CPEB1: variants seen among roughly 807,000 people sequenced by gnomAD.
CPEB1 encodes the protein cytoplasmic polyadenylation element-binding protein 1.
Under a neutral mutation model 65.8 loss-of-function variants are expected in CPEB1, and 7 were observed. The ratio of observed to expected loss-of-function variants is 0.11; its 90% CI spans 0.06 to 0.20. CPEB1 has a LOEUF of 0.20. Among genes scored for constraint, CPEB1 ranks in the 10% least tolerant of loss-of-function variants. The pLI is 1.00. For synonymous variants in CPEB1, 262 were observed against 260.0 expected (o/e 1.01, Z -0.08); for missense variants, 551 against 712.2 (o/e 0.77, Z 2.58).
At chr15:82,577,970 C>T (rs967778968) in intron 3 of CPEB1, among the ~76,000 whole-genome samples, 9 of 151,978 alleles carry the variant, frequency 5.9e-5, no homozygotes, top group African/African-American at 2.2e-4. Flanking sequence ...GAAACCCCGT[C>T]TCTAATAAAA....
intron 11 of CPEB1, 134 bp from the exon 12 acceptor site, chr15:82,546,655 A>T: frequency 1.4e-6 from 1 of 707,718 alleles, no homozygotes; most frequent in Non-Finnish European, 2.5e-6. Context: ...GCCTGTTTTA[A>T]AGGAGGCTTG....
At chr15:82,587,109 G>C (rs893697171) in intron 3 of CPEB1, among the ~76,000 whole-genome samples, 7 of 152,090 alleles carry the variant, frequency 4.6e-5, no homozygotes, top group African/African-American at 1.7e-4. Context: ...AAAGAAAATG[G>C]GAATTAAAAT....
chr15:82,591,624 A>G (rs751628867), intron 3 of CPEB1, among the ~76,000 whole-genome samples: 2 of 152,026 alleles, frequency 1.3e-5, no homozygotes, highest in African/African-American at 2.4e-5. Flanking sequence ...TGTTGTCCAC[A>G]TGTATGTCTT....
At chr15:82,639,187 G>A (rs1036854451) in intron 1 of CPEB1, among the ~76,000 whole-genome samples, 4 of 152,110 alleles carry the variant, frequency 2.6e-5, no homozygotes, top group Admixed American at 1.3e-4. Flanking sequence ...CAGCTTAGTG[G>A]CCAAGTTAAG....
chr15:82,582,800 G>A (rs1156597129), intron 3 of CPEB1, among the ~76,000 whole-genome samples: 1 of 145,718 alleles, frequency 6.9e-6, no homozygotes, highest in Admixed American at 7.0e-5. Flanking sequence ...GGAGTGCAGT[G>A]GCGTGATCTG....
intron 10 of CPEB1, among the ~76,000 whole-genome samples, chr15:82,548,366 A>G (rs1355061979): frequency 6.6e-6 from 1 of 152,178 alleles, no homozygotes; most frequent in Non-Finnish European, 1.5e-5. Flanking sequence ...CTATATGTTA[A>G]TAATATTATT....
intron 4 of CPEB1, among the ~76,000 whole-genome samples, chr15:82,571,066 G>A (rs1450557704): frequency 2.0e-5 from 3 of 152,066 alleles, no homozygotes; most frequent in Non-Finnish European, 2.9e-5. Context: ...AGGCCACCAC[G>A]CCTTGGGGAC....
At chr15:82,626,193 T>C (rs2045757204) in intron 3 of CPEB1, among the ~76,000 whole-genome samples, 1 of 151,388 alleles carries the variant, frequency 6.6e-6, no homozygotes, top group African/African-American at 2.4e-5. Flanking sequence ...CCCAGCACTT[T>C]GGGAGGCCAA....
rs749672347 is a variant in CPEB1 at position 82,552,628 on chromosome 15, G to A, written c.1145-12C>T. On this transcript the variant is annotated splice_polypyrimidine_tract_variant and intron_variant, in intron 8 of 12. Transcript: ENST00000684509. ...CAGATACACATACCCTATTCCCAATGAGAGGAAAAATCGCATTAATATCCC... is the reference window on the plus strand; with the variant it reads ...CAGATACACATACCCTATTCCCAATAAGAGGAAAAATCGCATTAATATCCC... 30 of 1,613,736 alleles carry A rather than the reference G, an allele frequency of 1.9e-5. No individual in the cohort carries two copies. Among genetic ancestry groups the A allele is most frequent in the Non-Finnish European group, 2.5e-5 (29 of 1,179,822 alleles).
At chr15:82,559,587 T>C in intron 4 of CPEB1, among the ~76,000 whole-genome samples, 1 of 152,198 alleles carries the variant, frequency 6.6e-6, no homozygotes, top group East Asian at 1.9e-4. Context: ...TGTATGTATG[T>C]TGTGGGATGT....
intron 3 of CPEB1, among the ~76,000 whole-genome samples, chr15:82,580,971 C>T (rs1026145711): frequency 2.0e-5 from 3 of 151,970 alleles, no homozygotes; most frequent in African/African-American, 7.3e-5. Flanking sequence ...CCCACCTCAG[C>T]CTCTAAAGTA....
chr15:82,595,792 T>C (rs1466221358), intron 3 of CPEB1, among the ~76,000 whole-genome samples: 1 of 152,224 alleles, frequency 6.6e-6, no homozygotes, highest in East Asian at 1.9e-4. Context: ...AAACAGAGAA[T>C]TAGAAAACTG....
chr15:82,629,767 CAAG>C (rs1208288031), intron 1 of CPEB1: 26 of 985,236 alleles, frequency 2.6e-5, no homozygotes, highest in Admixed American at 6.2e-5. Flanking sequence ...CAAAACAAAA[CAAG>C]AAGAGGCCCA....
At chr15:82,614,396 T>C (rs1261877036) in intron 3 of CPEB1, among the ~76,000 whole-genome samples, 2 of 152,230 alleles carry the variant, frequency 1.3e-5, no homozygotes, top group East Asian at 1.9e-4. Context: ...CAAGTTTCCA[T>C]ATATTCTATG....
At chr15:82,600,711 AAT>A (rs953024174) in intron 3 of CPEB1, among the ~76,000 whole-genome samples, 3 of 152,250 alleles carry the variant, frequency 2.0e-5, no homozygotes, top group South Asian at 4.1e-4. Context: ...AAGATCAGTA[AAT>A]ATATGTTTGC....
rs2045916548 is a variant in CPEB1, at chr15:82,627,993, C to G, written c.96+371G>C. On this transcript the variant is annotated intron_variant, in intron 2 of 12. Coordinates refer to ENST00000684509, the MANE Select transcript of CPEB1 (RefSeq NM_001365242.1). ...AAAGAGGTATACATGCCCCCAAATACAACATCTCTAAGTCAGCCTCCAGAT... is the reference window on the plus strand; with the variant it reads ...AAAGAGGTATACATGCCCCCAAATAGAACATCTCTAAGTCAGCCTCCAGAT... 1.1e-5 allele frequency: 6 copies of G among 568,936 alleles called. No individual in the cohort carries two copies. In the Admixed American group the frequency reaches 1.6e-4, roughly 15 times the overall value. 35.2% of individuals were successfully genotyped at this position (568,936 alleles called of 1,614,324 possible). A position where few individuals can be genotyped will look rare whatever the true frequency, so the allele number is the denominator to read the frequency against.
chr15:82,607,691 T>C (rs2043751698), intron 3 of CPEB1, among the ~76,000 whole-genome samples: 1 of 152,132 alleles, frequency 6.6e-6, no homozygotes, highest in African/African-American at 2.4e-5. Flanking sequence ...ACTGTGCCTA[T>C]TACCAGACAA....
chr15:82,595,643 C>G (rs2042611173), intron 3 of CPEB1, among the ~76,000 whole-genome samples: 1 of 152,188 alleles, frequency 6.6e-6, no homozygotes, highest in Non-Finnish European at 1.5e-5. Flanking sequence ...AGACAATCAG[C>G]TCAATATTAT....
chr15:82,610,972 AAAAAAAAAAAAAAAAAG>A, intron 3 of CPEB1, among the ~76,000 whole-genome samples: 1 of 148,284 alleles, frequency 6.7e-6, no homozygotes, highest in Non-Finnish European at 1.5e-5. Flanking sequence ...AAAAAAAAAA[AAAAAAAAAAAAAAAAAG>A]AAAAAAAGAA....
Sources: allele counts gnomAD v4.1 joint callset (sites outside exome capture counted in the v4.1 genomes callset), GRCh38; gene constraint gnomAD v4.1.1; transcripts MANE v1.5; gene names NCBI Gene and HGNC (gene_info 2026-07-23, HGNC 2026-07-21).